ZC3H12B: variants seen among roughly 807,000 people sequenced by gnomAD.
ZC3H12B encodes zinc finger CCCH-type containing 12B.
ZC3H12B carries 7 observed loss-of-function variants against 43.9 expected under a neutral mutation model. The ratio of observed to expected loss-of-function variants is 0.16; its 90% CI spans 0.09 to 0.30. The LOEUF is 0.30. Among genes scored for constraint, ZC3H12B ranks in the 10% least tolerant of loss-of-function variants. ZC3H12B has a pLI of 1.00. For missense variants in ZC3H12B, 475 were observed against 670.2 expected, an observed-to-expected ratio of 0.71 and a Z score of 3.22; for synonymous variants, 222 against 241.7, an observed-to-expected ratio of 0.92 and a Z score of 0.76.
chrX:65,148,134 C>T, the ZC3H12B span, among the ~76,000 whole-genome samples: 2 of 110,918 alleles, frequency 1.8e-5, no homozygotes, highest in Non-Finnish European at 3.8e-5. Context: ...ATTGGGCAGT[C>T]CGGGGACTTA....
the ZC3H12B span, among the ~76,000 whole-genome samples, chrX:65,170,634 A>G: frequency 8.9e-6 from 1 of 111,939 alleles, no homozygotes; most frequent in South Asian, 3.7e-4. Context: ...AGTGTTTTCC[A>G]TCTTGGTTCC....
At chrX:65,327,491 A>G in the ZC3H12B span, among the ~76,000 whole-genome samples, 3 of 111,534 alleles carry the variant, frequency 2.7e-5, no homozygotes, top group East Asian at 8.4e-4. Context: ...CCATTCTCCA[A>G]CAATCTGAGC....
the ZC3H12B span, among the ~76,000 whole-genome samples, chrX:65,359,874 C>T: frequency 8.9e-6 from 1 of 111,853 alleles, no homozygotes; most frequent in Non-Finnish European, 1.9e-5. Context: ...GAATCACATG[C>T]TGTAGAGAAA....
At chrX:65,439,814 G>A (rs1419693758) in intron 3 of ZC3H12B, among the ~76,000 whole-genome samples, 2 of 110,854 alleles carry the variant, frequency 1.8e-5, no homozygotes, top group Non-Finnish European at 3.8e-5. Flanking sequence ...GGCTGTGTTC[G>A]ACAGGTGTTC....
At chrX:65,477,621 G>T (rs1023195872) in intron 3 of ZC3H12B, among the ~76,000 whole-genome samples, 2 of 110,488 alleles carry the variant, frequency 1.8e-5, no homozygotes, top group African/African-American at 3.3e-5. Flanking sequence ...AATTAGCCGG[G>T]TATGGTGGCA....
intron 3 of ZC3H12B, among the ~76,000 whole-genome samples, chrX:65,438,370 T>C (rs1461648777): frequency 8.9e-6 from 1 of 112,370 alleles, no homozygotes; most frequent in Non-Finnish European, 1.9e-5. Context: ...TCTTTCCTTT[T>C]TTTATGTCCT....
At chrX:65,306,604 A>T in the ZC3H12B span, among the ~76,000 whole-genome samples, 1 of 111,392 alleles carries the variant, frequency 9.0e-6, no homozygotes, top group Admixed American at 9.6e-5. Context: ...CGAACTCCTG[A>T]GCTCAGGCAA....
the ZC3H12B span, among the ~76,000 whole-genome samples, chrX:65,093,169 A>C: frequency 9.0e-6 from 1 of 111,600 alleles, no homozygotes; most frequent in African/African-American, 3.3e-5. Flanking sequence ...CTGTGGGTGC[A>C]CAGAATCCGA....
chrX:65,312,789 G>T, the ZC3H12B span, among the ~76,000 whole-genome samples: 3 of 111,982 alleles, frequency 2.7e-5, no homozygotes, highest in Non-Finnish European at 5.6e-5. Flanking sequence ...ACATCTATTT[G>T]TAAGGACACT....
the ZC3H12B span, among the ~76,000 whole-genome samples, chrX:65,066,572 T>A: frequency 9.0e-6 from 1 of 111,617 alleles, no homozygotes; most frequent in Non-Finnish European, 1.9e-5. Context: ...ATGAGGCGTC[T>A]GTCGACCCCT....
chrX:65,449,011 A>AG (rs1490519896), intron 3 of ZC3H12B, among the ~76,000 whole-genome samples: 1 of 66,487 alleles, frequency 1.5e-5, no homozygotes, highest in Non-Finnish European at 3.8e-5. Context: ...AGAAAGAAAG[A>AG]AAGGAAGGAA....
At chrX:65,164,959 C>T in the ZC3H12B span, among the ~76,000 whole-genome samples, 1 of 111,787 alleles carries the variant, frequency 8.9e-6, no homozygotes, top group Non-Finnish European at 1.9e-5. Context: ...ACTATTTTTC[C>T]TCAGGCATTA....
At chrX:65,264,831 G>A in the ZC3H12B span, among the ~76,000 whole-genome samples, 10 of 111,489 alleles carry the variant, frequency 9.0e-5, no homozygotes, top group Non-Finnish European at 1.9e-4. Context: ...GATCAGGTTA[G>A]GATCATTGTC....
the ZC3H12B span, among the ~76,000 whole-genome samples, chrX:65,300,707 A>T: frequency 5.4e-5 from 6 of 111,499 alleles, no homozygotes; most frequent in African/African-American, 1.6e-4. Flanking sequence ...ACCGCAGCTG[A>T]TGCTGTCTTG....
At chrX:65,302,411 A>G in the ZC3H12B span, among the ~76,000 whole-genome samples, 1 of 111,824 alleles carries the variant, frequency 8.9e-6, no homozygotes, top group Non-Finnish European at 1.9e-5. Context: ...AATTCCATTT[A>G]CATTAGCACC....
the ZC3H12B span, among the ~76,000 whole-genome samples, chrX:65,236,171 G>T: frequency 8.9e-6 from 1 of 112,037 alleles, no homozygotes; most frequent in Non-Finnish European, 1.9e-5. Context: ...CACTCTGATT[G>T]TGGGCTCTAT....
chrX:65,108,141 G>A, the ZC3H12B span, among the ~76,000 whole-genome samples: 10 of 111,206 alleles, frequency 9.0e-5, no homozygotes, highest in Admixed American at 1.9e-4. Flanking sequence ...AGTGAGTGGC[G>A]ATTGAATGTG....
rs565073991 is a variant in ZC3H12B, at chrX:65,453,615, G to T, written n.408-35031G>T. Among the ~76,000 whole-genome samples, 4 of 106,051 alleles carry T rather than the reference G, an allele frequency of 3.8e-5. No homozygotes were observed. In the South Asian group the frequency reaches 1.7e-3, roughly 46 times the overall value. The allele number at this position is 106,051 out of a possible 115,157, so 92.1% of individuals were successfully genotyped here. On this transcript the variant is annotated intron_variant and non_coding_transcript_variant, in intron 3 of 5. Coordinates refer to the ZC3H12B transcript ENST00000617377. ...TGCACGCCTGTAGTCCCAGCTACTC[G>T]GGAGGCTGAGGTGGGATAATTGTTT...
chrX:65,113,985 G>GTATATATA, the ZC3H12B span, among the ~76,000 whole-genome samples: 938 of 47,275 alleles, frequency 0.02, 79 homozygotes, highest in Non-Finnish European at 0.031. Flanking sequence ...AGATATGCTT[G>GTATATATA]TATATATATA....
Sources: gnomAD v4.1 joint callset for allele counts (sites outside exome capture counted in the v4.1 genomes callset) on GRCh38, gnomAD v4.1.1 for gene constraint, MANE v1.5 for transcripts, NCBI Gene and HGNC (gene_info 2026-07-23, HGNC 2026-07-21) for gene names.